The following SCO1 variants were observed in gnomAD, a reference collection of about 807,000 sequenced individuals.
The protein encoded by SCO1 is cytochrome c oxidase assembly factor SCO1.
SCO1 carries 23 observed loss-of-function variants against 34.0 expected under a neutral mutation model. That is an observed-to-expected ratio of 0.68 (90% CI 0.49 to 0.96). SCO1 has a LOEUF of 0.96. SCO1 is among the 40% of genes least tolerant of loss of function. SCO1 has a pLI of 0.00. For missense variants in SCO1, 404 were observed against 381.6 expected (o/e 1.06, Z -0.49); for synonymous variants, 161 against 145.5 (o/e 1.11, Z -0.77).
chr17:10,689,278 C>T (rs1374032380), intron 4 of SCO1, among the ~76,000 whole-genome samples: 1 of 152,110 alleles, frequency 6.6e-6, no homozygotes, highest in Admixed American at 6.5e-5. Flanking sequence ...AAATTATATA[C>T]TTCAAATATC....
chr17:10,695,190 G>C lies in SCO1; in HGVS notation c.364+551C>G, dbSNP rs117243290. ...TCTACTCGCACTATGCTCCTTGCCT[G>C]ATCTCTAGGAAGCCTTCTCAAATCT... On this transcript the variant is annotated intron_variant, in intron 2 of 5. Coordinates refer to ENST00000255390, the MANE Select transcript of SCO1 (RefSeq NM_004589.4). 2.2e-4 allele frequency among the ~76,000 whole-genome samples: 34 copies of C among 152,270 alleles called. 1 individual carries two copies. The East Asian group carries it at 6.6e-3, about 29-fold the overall frequency.
chr17:10,696,023 C>T (rs1222121766), intron 1 of SCO1, among the ~76,000 whole-genome samples, 192 bp from the exon 2 acceptor site: 1 of 134,624 alleles, frequency 7.4e-6, no homozygotes, highest in Non-Finnish European at 1.5e-5. Context: ...ACTACAAAGG[C>T]ATTCATCTCC....
rs976205205 is a variant in SCO1, at chr17:10,697,141, G to A, written c.273+94C>T. On this transcript the variant is annotated intron_variant, in intron 1 of 5. Coordinates refer to ENST00000255390, the MANE Select transcript of SCO1 (RefSeq NM_004589.4). ...GCTAAGGACAACTTTAGGGGAGGCGGAGTAGTGTCTGAGGTTACGACCAAG... is the reference window on the plus strand; with the variant it reads ...GCTAAGGACAACTTTAGGGGAGGCGAAGTAGTGTCTGAGGTTACGACCAAG... 8.4e-6 allele frequency: 10 copies of A among 1,195,190 alleles called. No individual in the cohort carries two copies. In the African/African-American group the frequency reaches 1.1e-4, roughly 13 times the overall value. The allele number at this position is 1,195,190 out of a possible 1,614,324, so 74.0% of individuals were successfully genotyped here.
chr17:10,694,857 T>C (rs568691012), intron 2 of SCO1, among the ~76,000 whole-genome samples: 38 of 152,244 alleles, frequency 2.5e-4, no homozygotes, highest in African/African-American at 8.7e-4. Context: ...GAGTCTCATA[T>C]ATATGTATGT....
In SCO1 at chr17:10,695,683, G is replaced by A. The variant is rs1245825038; in HGVS notation, c.364+58C>T. 22 of 1,229,250 alleles carry A rather than the reference G, an allele frequency of 1.8e-5. No individual in the cohort carries two copies. In the South Asian group the frequency reaches 2.4e-4, roughly 14 times the overall value. The allele number at this position is 1,229,250 out of a possible 1,614,324, so 76.1% of individuals were successfully genotyped here. A position where few individuals can be genotyped will look rare whatever the true frequency, so the allele number is the denominator to read the frequency against. On this transcript the variant is annotated intron_variant, in intron 2 of 5. Coordinates refer to ENST00000255390, the MANE Select transcript of SCO1 (RefSeq NM_004589.4). ...AAAGCTAAAAAACAACAAAAAAGGT[G>A]CTAGTCCATAGCCAGGAAGACCTTT...
intron 5 of SCO1, 83 bp from the exon 6 acceptor site, chr17:10,681,336 G>T (rs2074621000): frequency 7.1e-7 from 1 of 1,415,484 alleles, no homozygotes. Context: ...CAAGATAAGA[G>T]AACTTTACAT....
intron 5 of SCO1, among the ~76,000 whole-genome samples, chr17:10,685,619 T>C (rs1328829050): frequency 1.3e-5 from 2 of 152,232 alleles, no homozygotes; most frequent in African/African-American, 4.8e-5. Context: ...GTCCAAGGCA[T>C]ATAGTCAATG....
At position 10,697,229 on chromosome 17, in the gene SCO1, A is replaced by C; in HGVS notation, c.273+6T>G. ...AGCACCAGAAGGGTTCCAGGTGTGCACTCACCCCGGGCTTCGAGGGGCGCG... is the reference window on the plus strand; with the variant it reads ...AGCACCAGAAGGGTTCCAGGTGTGCCCTCACCCCGGGCTTCGAGGGGCGCG... On this transcript the variant is annotated splice_donor_region_variant and intron_variant, in intron 1 of 5. Transcript: ENST00000255390. 1 of 1,546,510 alleles carries C rather than the reference A, an allele frequency of 6.5e-7. No homozygotes were observed. Among genetic ancestry groups the C allele is most frequent in the Non-Finnish European group, 8.7e-7 (1 of 1,146,266 alleles).
At chr17:10,694,038 G>A (rs1006468459) in intron 2 of SCO1, among the ~76,000 whole-genome samples, 3 of 152,192 alleles carry the variant, frequency 2.0e-5, no homozygotes, top group African/African-American at 7.2e-5. Flanking sequence ...AAACCTGTTA[G>A]ACACACATTA....
At chr17:10,681,316 A>G in intron 5 of SCO1, 63 bp from the exon 6 acceptor site, 1 of 1,537,578 alleles carries the variant, frequency 6.5e-7, no homozygotes, top group Non-Finnish European at 9.0e-7. Context: ...ATTTTACTGA[A>G]TGTATGCTGC....
Position 10,695,750 on chromosome 17 carries a change from T to C in SCO1, c.355A>G (p.Lys119Glu). The part of the protein sequence containing the change: ...LAGMKHVKKE[K>E]AEKLEKERQR... The stretch of plus-strand genomic sequence containing the variant: ...ATGATAATCTACTTACTCTCTGCCT[T>C]TTCTTTCTTGACGTGCTTCATTCCA... Residue 119 changes from lysine to glutamate, a missense_variant, in exon 2 of 6, where the codon AAG (lysine) becomes GAG (glutamate). By Grantham distance (56) the Lys-to-Glu change is moderately conservative (BLOSUM62 1). Transcript: ENST00000255390. 6.2e-7 allele frequency: 1 copy of C among 1,611,248 alleles called. No homozygotes were observed. The highest frequency in any genetic ancestry group is 8.5e-7 in the Non-Finnish European group (1 of 1,177,590).
chr17:10,683,456 T>C (rs1026154690), intron 5 of SCO1, among the ~76,000 whole-genome samples: 1 of 152,144 alleles, frequency 6.6e-6, no homozygotes, highest in African/African-American at 2.4e-5. Flanking sequence ...AGAAATACTG[T>C]TAAACTGCCC....
rs551221803 is a variant in SCO1 at position 10,677,737 on chromosome 17, T to C, written c.*3382A>G. 1 of 152,370 alleles carries C rather than the reference T, an allele frequency of 6.6e-6. No individual in the cohort carries two copies. Among genetic ancestry groups the C allele is most frequent in the East Asian group, 1.9e-4 (1 of 5,194 alleles). 9.4% of individuals were successfully genotyped at this position (152,370 alleles called of 1,614,324 possible). On this transcript the variant is annotated 3_prime_UTR_variant, in exon 6 of 6. Transcript: ENST00000255390. ...TACTTTTCAAATAAACAAGTGGCAT[T>C]TCTTAAAATATTAATTCTATTGAAG...
At chr17:10,689,268 A>C (rs2074676710) in intron 4 of SCO1, among the ~76,000 whole-genome samples, 1 of 152,202 alleles carries the variant, frequency 6.6e-6, no homozygotes, top group Non-Finnish European at 1.5e-5. Context: ...AAAAGGCAAC[A>C]AATTATATAC....
At position 10,697,509 on chromosome 17, in the gene SCO1, A is replaced by T; in HGVS notation, c.-2T>A. The T allele has an allele frequency of 6.2e-7, 1 of 1,613,226 alleles. No individual in the cohort carries two copies. The highest frequency in any genetic ancestry group is 8.5e-7 in the Non-Finnish European group (1 of 1,179,892). The stretch of plus-strand genomic sequence containing the variant: ...GGGTACTAGGACCAGCATCGCCATG[A>T]GCCTCGGAGACCGGGTCTCCTTTGA... On this transcript the variant is annotated 5_prime_UTR_variant, in exon 1 of 6. Coordinates refer to ENST00000255390, the MANE Select transcript of SCO1 (RefSeq NM_004589.4).
chr17:10,680,769 AGAGGCGGCAAAGCTGCTGG>A lies in SCO1; in HGVS notation c.*331_*349del, dbSNP rs2074616303. ...TTTGAGCAAGGGCCCAAGACGATGG[AGAGGCGGCAAAGCTGCTGG>A]GAGGGCCTGTTCGCAGGCAGGAATG... On this transcript the variant is annotated 3_prime_UTR_variant, in exon 6 of 6. Transcript: ENST00000255390. The A allele has an allele frequency of 8.2e-6, 3 of 366,960 alleles. No individual in the cohort carries two copies. The highest frequency in any genetic ancestry group is 1.5e-5 in the Non-Finnish European group (3 of 194,728). The allele number at this position is 366,960 out of a possible 1,614,324, so 22.7% of individuals were successfully genotyped here. A position where few individuals can be genotyped will look rare whatever the true frequency, so the allele number is the denominator to read the frequency against.
At position 10,690,510 on chromosome 17, in the gene SCO1, A is replaced by G. The variant is rs137949798; in HGVS notation, c.655+1362T>C. Reference sequence around the variant, plus strand: ...TAGGTATCTCATCCCAATTTGAATGACTATCACCAAAAATACAAAAAAATA... The same window carrying G: ...TAGGTATCTCATCCCAATTTGAATGGCTATCACCAAAAATACAAAAAAATA... On this transcript the variant is annotated intron_variant, in intron 4 of 5. Transcript: ENST00000255390. Among the ~76,000 whole-genome samples, 16 of 152,320 alleles carry G rather than the reference A, an allele frequency of 1.1e-4. No homozygotes were observed. The East Asian group carries it at 2.9e-3, about 28-fold the overall frequency.
chr17:10,696,583 G>C (rs1042883571), intron 1 of SCO1, among the ~76,000 whole-genome samples: 6 of 152,208 alleles, frequency 3.9e-5, no homozygotes, highest in African/African-American at 1.4e-4. Context: ...CAAAGTAGAA[G>C]AGGAATCTAA....
At position 10,679,534 on chromosome 17, in the gene SCO1, T is replaced by C. The variant is rs2074606989; in HGVS notation, c.*1585A>G. ...GTAGAAACATATCATGTAAAAAGAA[T>C]CTGTTGTCTATCTAGGCATTATATT... On this transcript the variant is annotated 3_prime_UTR_variant, in exon 6 of 6. Coordinates refer to ENST00000255390, the MANE Select transcript of SCO1 (RefSeq NM_004589.4). 6.6e-6 allele frequency: 1 copy of C among 152,162 alleles called. No individual in the cohort carries two copies. Among genetic ancestry groups the C allele is most frequent in the South Asian group, 2.1e-4 (1 of 4,832 alleles). 9.4% of individuals were successfully genotyped at this position (152,162 alleles called of 1,614,324 possible).
Sources: gnomAD v4.1 joint callset for allele counts (sites outside exome capture counted in the v4.1 genomes callset) on GRCh38, gnomAD v4.1.1 for gene constraint, MANE v1.5 for transcripts, NCBI Gene and HGNC (gene_info 2026-07-23, HGNC 2026-07-21) for gene names.